SPIDR: variants seen among roughly 807,000 people sequenced by gnomAD.
SPIDR encodes the protein scaffold protein involved in DNA repair, also known as DNA repair-scaffolding protein.
Under a neutral mutation model 104.6 loss-of-function variants are expected in SPIDR, and 93 were observed. That is an observed-to-expected ratio of 0.89 (90% CI 0.75 to 1.06). SPIDR has a LOEUF of 1.06. Ranked by LOEUF, SPIDR falls within the 50% of genes least tolerant of loss-of-function variation. SPIDR has a pLI of 0.00. For synonymous variants in SPIDR, 431 were observed against 416.9 expected, an observed-to-expected ratio of 1.03 and a Z score of -0.41; for missense variants, 1,154 against 1,111.2, an observed-to-expected ratio of 1.04 and a Z score of -0.55.
chr8:47,519,635 A>G (rs1318505081), intron 8 of SPIDR, among the ~76,000 whole-genome samples: 1 of 152,120 alleles, frequency 6.6e-6, no homozygotes, highest in Non-Finnish European at 1.5e-5. Flanking sequence ...AAAAATTTAA[A>G]TTAGCCAGGC....
chr8:47,658,044 A>AAAAAAGAAAAAG (rs1554548639), intron 10 of SPIDR, among the ~76,000 whole-genome samples: 1 of 146,314 alleles, frequency 6.8e-6, no homozygotes, highest in Non-Finnish European at 1.5e-5. Flanking sequence ...AAAAAAAAAA[A>AAAAAAGAAAAAG]AAAAAGAAAA....
intron 8 of SPIDR, among the ~76,000 whole-genome samples, chr8:47,468,253 A>G (rs781855227): frequency 7.2e-5 from 11 of 152,260 alleles, no homozygotes; most frequent in Non-Finnish European, 1.2e-4. Context: ...GGAAGAATCA[A>G]TAGCATTAAC....
At chr8:47,462,381 T>C (rs1422031203) in intron 8 of SPIDR, among the ~76,000 whole-genome samples, 1 of 152,128 alleles carries the variant, frequency 6.6e-6, no homozygotes. Flanking sequence ...GCTTTCCTGG[T>C]ATATTCCTGC....
intron 10 of SPIDR, among the ~76,000 whole-genome samples, chr8:47,633,878 G>A (rs1487833911): frequency 6.6e-6 from 1 of 152,094 alleles, no homozygotes; most frequent in African/African-American, 2.4e-5. Context: ...CAGATTGCTT[G>A]AGCCCGGGGT....
At chr8:47,710,199 G>C (rs982773845) in intron 14 of SPIDR, among the ~76,000 whole-genome samples, 1 of 152,042 alleles carries the variant, frequency 6.6e-6, no homozygotes, top group Non-Finnish European at 1.5e-5. Context: ...AATTTTAGCA[G>C]TGTAGTGGTA....
chr8:47,689,015 T>C (rs1185511649), intron 11 of SPIDR, among the ~76,000 whole-genome samples: 6 of 152,224 alleles, frequency 3.9e-5, no homozygotes, highest in Admixed American at 6.5e-5. Flanking sequence ...GTTCAAGTCT[T>C]TTGTTTATTT....
chr8:47,592,513 G>A, intron 8 of SPIDR: 11 of 1,404,720 alleles, frequency 7.8e-6, no homozygotes, highest in Non-Finnish European at 1.0e-5. Context: ...GAAAATAACA[G>A]GCATTGCTCT....
intron 8 of SPIDR, among the ~76,000 whole-genome samples, chr8:47,469,370 T>C (rs2075350677): frequency 6.6e-6 from 1 of 152,180 alleles, no homozygotes; most frequent in African/African-American, 2.4e-5. Flanking sequence ...TTACTGGGTA[T>C]ATATACCCAA....
At chr8:47,477,751 A>C (rs1259277522) in intron 8 of SPIDR, among the ~76,000 whole-genome samples, 3 of 152,300 alleles carry the variant, frequency 2.0e-5, no homozygotes, top group African/African-American at 7.2e-5. Context: ...TTCAGTGAAT[A>C]TCTTTAGTGT....
intron 10 of SPIDR, among the ~76,000 whole-genome samples, chr8:47,602,312 C>A (rs964457321): frequency 3.9e-5 from 6 of 152,232 alleles, no homozygotes; most frequent in Non-Finnish European, 5.9e-5. Flanking sequence ...TAAGCAGTGA[C>A]CCCTTTCAAC....
intron 5 of SPIDR, among the ~76,000 whole-genome samples, chr8:47,361,681 C>T (rs567049096): frequency 6.6e-6 from 1 of 152,126 alleles, no homozygotes; most frequent in African/African-American, 2.4e-5. Context: ...TAGGTGGATT[C>T]GCTGGTTTGA....
chr8:47,296,367 A>G (rs1437020946), intron 5 of SPIDR, among the ~76,000 whole-genome samples: 1 of 152,118 alleles, frequency 6.6e-6, no homozygotes, highest in African/African-American at 2.4e-5. Flanking sequence ...CATTTTCCCT[A>G]TGTTTTATTT....
intron 5 of SPIDR, among the ~76,000 whole-genome samples, chr8:47,370,179 G>C (rs936991726): frequency 6.6e-6 from 1 of 152,106 alleles, no homozygotes; most frequent in Non-Finnish European, 1.5e-5. Context: ...GGACTCTGGA[G>C]TGTCTTTTCC....
At chr8:47,335,319 C>T (rs2049483781) in intron 5 of SPIDR, among the ~76,000 whole-genome samples, 1 of 152,140 alleles carries the variant, frequency 6.6e-6, no homozygotes, top group Non-Finnish European at 1.5e-5. Context: ...CAAAGTGACT[C>T]AATTTTTGTT....
At chr8:47,626,544 A>G (rs2066148925) in intron 10 of SPIDR, among the ~76,000 whole-genome samples, 1 of 152,216 alleles carries the variant, frequency 6.6e-6, no homozygotes. Context: ...ATTTACAAGA[A>G]AAAAACAAAC....
intron 10 of SPIDR, among the ~76,000 whole-genome samples, chr8:47,661,868 A>T (rs995765853): frequency 1.6e-4 from 24 of 152,204 alleles, no homozygotes; most frequent in African/African-American, 5.8e-4. Flanking sequence ...CAGAGCTGGG[A>T]TCCCAATGCT....
chr8:47,546,715 A>C (rs1587533451), intron 8 of SPIDR: 1 of 166,592 alleles, frequency 6.0e-6, no homozygotes, highest in Admixed American at 6.2e-5. Context: ...TTTCTCGTAT[A>C]CACATCTTTT....
intron 10 of SPIDR, among the ~76,000 whole-genome samples, chr8:47,664,965 C>T (rs1563472867): frequency 6.6e-6 from 1 of 151,602 alleles, no homozygotes; most frequent in Non-Finnish European, 1.5e-5. Context: ...GAAAGAGAAC[C>T]TCATAAAAAT....
chr8:47,282,096 C>G (rs1427390353), intron 2 of SPIDR, among the ~76,000 whole-genome samples: 1 of 152,188 alleles, frequency 6.6e-6, no homozygotes, highest in Non-Finnish European at 1.5e-5. Flanking sequence ...GAGCAGATCT[C>G]AACAGTGGGC....
Sources: gnomAD v4.1 joint callset for allele counts (sites outside exome capture counted in the v4.1 genomes callset) on GRCh38, gnomAD v4.1.1 for gene constraint, MANE v1.5 for transcripts, NCBI Gene and HGNC (gene_info 2026-07-23, HGNC 2026-07-21) for gene names.